The following MBD5 variants were observed in gnomAD, a reference collection of about 807,000 sequenced individuals.
The protein encoded by MBD5 is methyl-CpG binding domain protein 5, also known as methyl-CpG-binding domain protein 5.
MBD5 carries 13 observed loss-of-function variants against 117.3 expected under a neutral mutation model. The observed-to-expected ratio is 0.11, with a 90% CI of 0.07 to 0.18. The LOEUF (loss-of-function observed/expected upper bound fraction) is 0.18. Among genes scored for constraint, MBD5 ranks in the 10% least tolerant of loss-of-function variants. MBD5 has a pLI of 1.00. For missense variants in MBD5, 1,879 were observed against 2,093.8 expected (o/e 0.90, Z 2.00); for synonymous variants, 727 against 766.4 (o/e 0.95, Z 0.85).
intron 2 of MBD5, among the ~76,000 whole-genome samples, chr2:148,195,597 A>G (rs914194695): frequency 6.6e-6 from 1 of 152,194 alleles, no homozygotes; most frequent in Admixed American, 6.5e-5. Context: ...ACAACAGAAT[A>G]CACATTTTTT....
intron 4 of MBD5, among the ~76,000 whole-genome samples, chr2:148,426,776 G>T (rs1432694775): frequency 6.6e-6 from 1 of 152,100 alleles, no homozygotes; most frequent in African/African-American, 2.4e-5. Context: ...AAAAGCAATG[G>T]CAACAAAAGC....
chr2:148,496,111 C>T (rs1194913767), intron 11 of MBD5, among the ~76,000 whole-genome samples: 6 of 152,206 alleles, frequency 3.9e-5, no homozygotes, highest in East Asian at 3.9e-4. Context: ...TTGCCTTATA[C>T]ATTTTCTTAA....
chr2:148,148,921 A>T (rs899901683), intron 1 of MBD5, among the ~76,000 whole-genome samples: 1 of 151,882 alleles, frequency 6.6e-6, no homozygotes, highest in Non-Finnish European at 1.5e-5. Context: ...AATTAAATAA[A>T]TATTTCTTTA....
chr2:148,351,791 T>C (rs1371968188), intron 4 of MBD5, among the ~76,000 whole-genome samples: 2 of 152,058 alleles, frequency 1.3e-5, no homozygotes, highest in African/African-American at 4.8e-5. Flanking sequence ...CCTCCCAAGG[T>C]TCTGCTATGT....
intron 1 of MBD5, among the ~76,000 whole-genome samples, chr2:148,094,607 C>CA (rs1558923096): frequency 6.6e-6 from 1 of 151,950 alleles, no homozygotes; most frequent in Non-Finnish European, 1.5e-5. Flanking sequence ...AAAGCAGTTC[C>CA]AAAAAATGAA....
At position 148,472,677 on chromosome 2, in the gene MBD5, G is replaced by T. The variant is rs534701540; in HGVS notation, c.2518+2216G>T. On this transcript the variant is annotated intron_variant, in intron 8 of 13. Coordinates refer to ENST00000642680, the MANE Select transcript of MBD5 (RefSeq NM_001378120.1). ...AATAACCGTTGAGCCTTAAAGGTAG[G>T]CATTCAGAATGAGACAGTAAATGAT... Among the ~76,000 whole-genome samples, 217 of 152,144 alleles carry T rather than the reference G, an allele frequency of 1.4e-3. 2 individuals are homozygous for T. The highest frequency in any genetic ancestry group is 2.5e-3 in the Non-Finnish European group (170 of 67,976).
At chr2:148,197,802 T>TG (rs1553483825) in intron 2 of MBD5, among the ~76,000 whole-genome samples, 3 of 131,570 alleles carry the variant, frequency 2.3e-5, no homozygotes, top group Non-Finnish European at 4.8e-5. Context: ...AGGTTTTTTT[T>TG]TTTGTTTTTT....
At position 148,470,274 on chromosome 2, in the gene MBD5, C is replaced by A. The variant is rs865860163; in HGVS notation, c.2331C>A (p.Asn777Lys). 1.2e-6 allele frequency: 2 copies of A among 1,613,886 alleles called. No homozygotes were observed. Among genetic ancestry groups the A allele is most frequent in the Admixed American group, 1.7e-5 (1 of 59,992 alleles). The change falls in exon 8 of 14, where the codon AAC (asparagine) becomes AAA (lysine). Residue 777 changes from asparagine (N) to lysine (K), a missense_variant. Transcript: ENST00000642680. ...NFVHSNSPVP[N>K]HHLAGLINQI... The stretch of plus-strand genomic sequence containing the variant: ...TTCACAGTAACAGTCCAGTCCCCAA[C>A]CACCATCTTGCAGGTTTAATAAATC...
chr2:148,043,440 G>A (rs1694427190), intron 1 of MBD5, among the ~76,000 whole-genome samples: 1 of 110,760 alleles, frequency 9.0e-6, no homozygotes. Flanking sequence ...GCGACAGAGC[G>A]AGACTCCTTC....
intron 1 of MBD5, among the ~76,000 whole-genome samples, chr2:148,174,446 G>A (rs917190843): frequency 1.3e-5 from 2 of 152,032 alleles, no homozygotes; most frequent in African/African-American, 4.8e-5. Context: ...AACAAAAATA[G>A]ATAAAGGGGA....
chr2:148,241,706 C>T (rs185636871), intron 3 of MBD5, among the ~76,000 whole-genome samples: 8 of 152,226 alleles, frequency 5.3e-5, no homozygotes, highest in Admixed American at 5.2e-4. Flanking sequence ...GTTCTACTTG[C>T]TCATATACCA....
chr2:148,148,873 T>G (rs1574066610), intron 1 of MBD5, among the ~76,000 whole-genome samples: 1 of 152,286 alleles, frequency 6.6e-6, no homozygotes, highest in East Asian at 1.9e-4. Context: ...TATGCCCTTG[T>G]GGGCAACACT....
intron 1 of MBD5, among the ~76,000 whole-genome samples, chr2:148,173,146 G>A (rs962891640): frequency 1.2e-4 from 18 of 152,190 alleles, no homozygotes; most frequent in African/African-American, 4.3e-4. Context: ...ACCACAATGC[G>A]GGCGACTAGA....
chr2:148,421,653 A>G (rs996443999), intron 4 of MBD5, among the ~76,000 whole-genome samples: 1 of 151,962 alleles, frequency 6.6e-6, no homozygotes, highest in Admixed American at 6.6e-5. Flanking sequence ...TCCCACCCCC[A>G]GGGAGCCCAG....
rs374454551 is a variant in MBD5 at position 148,469,437 on chromosome 2, G to A, written c.1494G>A (p.Gly498=). The A allele has an allele frequency of 1.1e-5, 18 of 1,613,746 alleles. No individual in the cohort carries two copies. The highest frequency in any genetic ancestry group is 1.4e-5 in the Non-Finnish European group (17 of 1,179,902). The part of the protein sequence containing the change: ...VPPRSPRSTI[G]SPRPSMPSSP... ...CCAGGTCACCAAGGTCAACAATAGG[G>A]TCCCCAAGGCCATCAATGCCATCAA... Residue 498 remains glycine, a synonymous_variant, in exon 8 of 14, where the codon GGG becomes GGA. Coordinates refer to ENST00000642680, the MANE Select transcript of MBD5 (RefSeq NM_001378120.1).
intron 2 of MBD5, among the ~76,000 whole-genome samples, chr2:148,205,378 A>C (rs540890414): frequency 6.6e-6 from 1 of 152,212 alleles, no homozygotes; most frequent in South Asian, 2.1e-4. Flanking sequence ...GCGTGGACTA[A>C]TTTTCTCATC....
At chr2:148,395,901 A>G (rs918166830) in intron 4 of MBD5, among the ~76,000 whole-genome samples, 5 of 152,118 alleles carry the variant, frequency 3.3e-5, no homozygotes, top group African/African-American at 1.2e-4. Context: ...GCAATCTCTA[A>G]TAGCCCTCCA....
intron 4 of MBD5, among the ~76,000 whole-genome samples, chr2:148,453,166 A>G (rs888316501): frequency 2.3e-5 from 2 of 86,984 alleles, no homozygotes; most frequent in African/African-American, 7.8e-5. Context: ...ATCATCAGAT[A>G]ATGAAAGTAT....
chr2:148,313,328 C>T (rs1293034208), intron 3 of MBD5, among the ~76,000 whole-genome samples: 1 of 152,182 alleles, frequency 6.6e-6, no homozygotes, highest in East Asian at 1.9e-4. Flanking sequence ...GGGCTGCTGC[C>T]TTTCTTTCAG....
Sources: allele counts gnomAD v4.1 joint callset (sites outside exome capture counted in the v4.1 genomes callset), GRCh38; gene constraint gnomAD v4.1.1; transcripts MANE v1.5; gene names NCBI Gene and HGNC (gene_info 2026-07-23, HGNC 2026-07-21).